Variants in ROBO2 observed in about 807,000 individuals in gnomAD.
The protein encoded by ROBO2 is roundabout homolog 2.
Under a neutral mutation model 160.8 loss-of-function variants are expected in ROBO2, and 53 were observed. The ratio of observed to expected loss-of-function variants is 0.33; its 90% CI spans 0.26 to 0.41. The LOEUF is 0.41. Among genes scored for constraint, ROBO2 ranks in the 10% least tolerant of loss-of-function variants. The pLI, the probability that ROBO2 is intolerant of heterozygous loss-of-function variation, is 1.00. For missense variants in ROBO2, 1,577 were observed against 1,722.4 expected (o/e 0.92, Z 1.49); for synonymous variants, 664 against 611.7 (o/e 1.09, Z -1.26).
At chr3:76,672,476 A>G (rs959439139) in intron 2 of ROBO2, among the ~76,000 whole-genome samples, 10 of 152,194 alleles carry the variant, frequency 6.6e-5, no homozygotes, top group African/African-American at 1.9e-4. Flanking sequence ...TACCATAGAC[A>G]AGTAAACAAA....
chr3:76,974,297 C>T (rs1178722980), intron 2 of ROBO2, among the ~76,000 whole-genome samples: 1 of 152,052 alleles, frequency 6.6e-6, no homozygotes, highest in Non-Finnish European at 1.5e-5. Context: ...CTTTTAATCC[C>T]CCCCTTTTTC....
intron 2 of ROBO2, among the ~76,000 whole-genome samples, chr3:77,002,001 A>G (rs2061357363): frequency 6.6e-6 from 1 of 152,142 alleles, no homozygotes; most frequent in South Asian, 2.1e-4. Flanking sequence ...AGCATTTTTA[A>G]GTTTACTATA....
At chr3:77,456,860 A>G (rs2081698932) in intron 2 of ROBO2, among the ~76,000 whole-genome samples, 3 of 152,092 alleles carry the variant, frequency 2.0e-5, no homozygotes. Context: ...ATGGAACACA[A>G]CTCAGGGTCA....
Position 77,086,506 on chromosome 3 carries a change from ACG to A in ROBO2, c.62-11507_62-11506del, listed in dbSNP as rs553975572. 7.9e-5 allele frequency among the ~76,000 whole-genome samples: 12 copies of A among 152,242 alleles called. No individual in the cohort carries two copies. The East Asian group carries it at 2.3e-3, about 29-fold the overall frequency. Reference sequence around the variant, plus strand: ...AAATATACTTTATCATTTCTTAAAAACGAACATGCACATATCTGCACAAAATT... The same window carrying A: ...AAATATACTTTATCATTTCTTAAAAAAACATGCACATATCTGCACAAAATT... On this transcript the variant is annotated intron_variant, in intron 1 of 25. Coordinates refer to ENST00000461745, the Ensembl canonical transcript of ROBO2.
intron 2 of ROBO2, among the ~76,000 whole-genome samples, chr3:77,403,619 T>TA (rs1491148217): frequency 0.037 from 1,015 of 27,088 alleles, 10 homozygotes; most frequent in African/African-American, 0.14. Context: ...TGTGTGTGTA[T>TA]TTTTTTTTTT....
chr3:77,402,649 G>T (rs554436592), intron 2 of ROBO2, among the ~76,000 whole-genome samples: 15 of 151,940 alleles, frequency 9.9e-5, no homozygotes, highest in Non-Finnish European at 1.9e-4. Flanking sequence ...GTTAACGGAA[G>T]AATGCCTCAA....
chr3:76,541,622 G>C (rs1200221440), intron 2 of ROBO2, among the ~76,000 whole-genome samples: 1 of 152,176 alleles, frequency 6.6e-6, no homozygotes, highest in Non-Finnish European at 1.5e-5. Flanking sequence ...TAAATTGAGT[G>C]TTTTGTTGGA....
rs78310030 is a variant in ROBO2, at chr3:76,193,468, T to C, written c.109+255866T>C. Among the ~76,000 whole-genome samples, 120 of 152,318 alleles carry C rather than the reference T, an allele frequency of 7.9e-4. No homozygotes were observed. The East Asian group carries it at 0.019, about 24-fold the overall frequency. On this transcript the variant is annotated intron_variant, in intron 2 of 26. Coordinates refer to the ROBO2 transcript ENST00000487694. ...TCCAAACAGAATATTGGGCATGATATAAATTTCTGTTATCAAATGCTGTTG... is the reference window on the plus strand; with the variant it reads ...TCCAAACAGAATATTGGGCATGATACAAATTTCTGTTATCAAATGCTGTTG...
intron 2 of ROBO2, among the ~76,000 whole-genome samples, chr3:76,648,686 A>G (rs577859897): frequency 2.0e-5 from 3 of 152,252 alleles, no homozygotes; most frequent in East Asian, 3.9e-4. Flanking sequence ...GAGGTCAGGT[A>G]TCAATGATTG....
chr3:76,214,003 C>T (rs973563396), intron 2 of ROBO2, among the ~76,000 whole-genome samples: 1 of 152,122 alleles, frequency 6.6e-6, no homozygotes, highest in Admixed American at 6.5e-5. Flanking sequence ...ATGTTAACGT[C>T]TTCCAGAAGC....
At chr3:76,998,273 C>T (rs1469393569) in intron 2 of ROBO2, among the ~76,000 whole-genome samples, 1 of 151,858 alleles carries the variant, frequency 6.6e-6, no homozygotes, top group Non-Finnish European at 1.5e-5. Flanking sequence ...GAGATAAGGA[C>T]ATATCACAGA....
chr3:76,425,500 GTGTGTGTGTGTGTGTGTGTGTGTGTC>G (rs1192256188), intron 2 of ROBO2, among the ~76,000 whole-genome samples: 8 of 103,908 alleles, frequency 7.7e-5, no homozygotes, highest in South Asian at 3.5e-4. Context: ...GTGTGTGTGT[GTGTGTGTGTGTGTGTGTGTGTGTGTC>G]TGTGTGTGTG....
intron 1 of ROBO2, among the ~76,000 whole-genome samples, chr3:75,926,052 A>C (rs1947280163): frequency 6.6e-6 from 1 of 152,226 alleles, no homozygotes; most frequent in Non-Finnish European, 1.5e-5. Flanking sequence ...GCTCACAGTA[A>C]AACAGAAAAA....
exon 2 of ROBO2, chr3:77,098,234 C>T (rs1286351825): frequency 6.2e-7 from 1 of 1,614,196 alleles, no homozygotes; most frequent in East Asian, 2.2e-5. Flanking sequence ...TCTTCTTGCG[C>T]ATCGTGCACG....
At chr3:76,567,797 G>GTGTGTATATA (rs1260549103) in intron 2 of ROBO2, among the ~76,000 whole-genome samples, 1 of 72,454 alleles carries the variant, frequency 1.4e-5, no homozygotes, top group African/African-American at 5.2e-5. Flanking sequence ...GTGTGTGTGT[G>GTGTGTATATA]TATATATATA....
chr3:77,278,867 C>T (rs1031422804), intron 2 of ROBO2, among the ~76,000 whole-genome samples: 1 of 152,084 alleles, frequency 6.6e-6, no homozygotes, highest in African/African-American at 2.4e-5. Context: ...GACTTAAATT[C>T]AAACTCAGAC....
At chr3:76,399,526 G>A (rs891675665) in intron 2 of ROBO2, among the ~76,000 whole-genome samples, 16 of 151,698 alleles carry the variant, frequency 1.1e-4, no homozygotes, top group Non-Finnish European at 1.9e-4. Flanking sequence ...GATGAGATTT[G>A]TAACTGAAAC....
upstream of ROBO2, among the ~76,000 whole-genome samples, chr3:77,038,972 C>A (rs1370765348): frequency 6.6e-6 from 1 of 152,210 alleles, no homozygotes; most frequent in African/African-American, 2.4e-5. Flanking sequence ...TCCCCCTCCC[C>A]CAAGCTCTGT....
intron 2 of ROBO2, among the ~76,000 whole-genome samples, chr3:77,411,817 T>C (rs1022117126): frequency 6.6e-6 from 1 of 152,220 alleles, no homozygotes; most frequent in Non-Finnish European, 1.5e-5. Context: ...GGTATGAGCA[T>C]GGCATTTTTC....
Sources: allele counts gnomAD v4.1 joint callset (sites outside exome capture counted in the v4.1 genomes callset), GRCh38; gene constraint gnomAD v4.1.1; transcripts MANE v1.5; gene names NCBI Gene and HGNC (gene_info 2026-07-23, HGNC 2026-07-21).